The following GRIN3A variants were observed in gnomAD, a reference collection of about 807,000 sequenced individuals.
GRIN3A encodes glutamate receptor ionotropic, NMDA 3A.
GRIN3A carries 47 observed loss-of-function variants against 92.4 expected under a neutral mutation model. That is an observed-to-expected ratio of 0.51 (90% confidence interval 0.40 to 0.65). GRIN3A has a LOEUF of 0.65. Ranked by LOEUF, GRIN3A falls within the 30% of genes least tolerant of loss-of-function variation. The probability of loss-of-function intolerance (pLI) is 0.00; values close to 1 mark genes in which losing one functional copy is unlikely to be tolerated. For missense variants in GRIN3A, 1,324 were observed against 1,393.1 expected (o/e 0.95, Z 0.79); for synonymous variants, 527 against 540.6 (o/e 0.97, Z 0.35).
At chr9:101,710,060 G>A (rs1007068999) in intron 1 of GRIN3A, among the ~76,000 whole-genome samples, 7 of 152,104 alleles carry the variant, frequency 4.6e-5, no homozygotes, top group African/African-American at 1.7e-4. Flanking sequence ...AACTCCGGGT[G>A]AATCTCAGTG....
intron 1 of GRIN3A, among the ~76,000 whole-genome samples, chr9:101,713,024 G>A (rs1829899208): frequency 6.6e-6 from 1 of 152,130 alleles, no homozygotes; most frequent in South Asian, 2.1e-4. Context: ...GCAGAGATGG[G>A]ATTCAAACCC....
Position 101,738,090 on chromosome 9 carries a change from C to G in GRIN3A, c.-111G>C, listed in dbSNP as rs1414397468. ...GTCCCGCGCGCAGCTTCACTCCACTCGGTGAAGCGGTCCCAGGAGCTGGAG... is the reference window on the plus strand; with the variant it reads ...GTCCCGCGCGCAGCTTCACTCCACTGGGTGAAGCGGTCCCAGGAGCTGGAG... On this transcript the variant is annotated 5_prime_UTR_variant, in exon 1 of 9. Coordinates refer to ENST00000361820, the MANE Select transcript of GRIN3A (RefSeq NM_133445.3). The G allele has an allele frequency of 1.1e-6, 1 of 902,460 alleles. No homozygotes were observed. The highest frequency in any genetic ancestry group is 1.6e-5 in the African/African-American group (1 of 61,194). 55.9% of individuals were successfully genotyped at this position (902,460 alleles called of 1,614,324 possible). A position where few individuals can be genotyped will look rare whatever the true frequency, so the allele number is the denominator to read the frequency against.
chr9:101,706,226 A>G (rs1472536212), intron 1 of GRIN3A, among the ~76,000 whole-genome samples: 2 of 152,244 alleles, frequency 1.3e-5, no homozygotes, highest in African/African-American at 2.4e-5. Context: ...AAATACAGAT[A>G]GAGGTGCCTC....
intron 3 of GRIN3A, among the ~76,000 whole-genome samples, chr9:101,630,761 T>G (rs532680939): frequency 3.9e-5 from 6 of 152,334 alleles, no homozygotes; most frequent in Non-Finnish European, 8.8e-5. Context: ...GCTTGGATAG[T>G]TAAAGTAACA....
intron 6 of GRIN3A, among the ~76,000 whole-genome samples, chr9:101,580,493 C>T (rs148574090): frequency 2.1e-3 from 325 of 152,166 alleles, no homozygotes; most frequent in Admixed American, 3.8e-3. Flanking sequence ...AAGAACGTCC[C>T]TCAGGGAAGA....
Position 101,686,523 on chromosome 9 carries a change from C to T in GRIN3A, c.1304+73G>A, listed in dbSNP as rs147217164. ...ACTCAGAGTCAAGATTTCTGCAAAG[C>T]GGACAGATAGGGGAATTTTACTCTC... On this transcript the variant is annotated intron_variant, in intron 2 of 8. Coordinates refer to ENST00000361820, the MANE Select transcript of GRIN3A (RefSeq NM_133445.3). 628 of 1,533,918 alleles carry T rather than the reference C, an allele frequency of 4.1e-4. 3 individuals carry two copies. The African/African-American group carries it at 7.0e-3, about 17-fold the overall frequency.
intron 6 of GRIN3A, among the ~76,000 whole-genome samples, chr9:101,606,862 G>T (rs1369372962): frequency 1.4e-5 from 2 of 148,070 alleles, no homozygotes; most frequent in African/African-American, 5.0e-5. Flanking sequence ...CAAAACTCTT[G>T]CTCTGGAGCT....
intron 1 of GRIN3A, among the ~76,000 whole-genome samples, chr9:101,701,663 C>A (rs899194486): frequency 6.6e-6 from 1 of 152,038 alleles, no homozygotes; most frequent in East Asian, 1.9e-4. Flanking sequence ...ATGAAGATGC[C>A]GAAAGCAGTT....
At chr9:101,611,496 A>C (rs1828367429) in intron 6 of GRIN3A, among the ~76,000 whole-genome samples, 1 of 152,144 alleles carries the variant, frequency 6.6e-6, no homozygotes, top group African/African-American at 2.4e-5. Flanking sequence ...GTAGACATTA[A>C]TTTTGGGGGT....
At chr9:101,621,177 C>G (rs112888130) in intron 5 of GRIN3A, among the ~76,000 whole-genome samples, 1 of 150,998 alleles carries the variant, frequency 6.6e-6, no homozygotes, top group East Asian at 2.0e-4. Context: ...CCCAGCTACC[C>G]GGGAGGCTGA....
intron 3 of GRIN3A, among the ~76,000 whole-genome samples, chr9:101,647,740 A>G (rs1164630474): frequency 6.6e-6 from 1 of 151,682 alleles, no homozygotes; most frequent in Admixed American, 6.6e-5. Context: ...CATACCTCCA[A>G]GAATTTCTTC....
In GRIN3A at chr9:101,735,894, CTG is replaced by C. The variant is rs1463039516; in HGVS notation, c.699+1385_699+1386del. 2.0e-5 allele frequency among the ~76,000 whole-genome samples: 3 copies of C among 152,172 alleles called. No homozygotes were observed. The South Asian group carries it at 6.2e-4, about 32-fold the overall frequency. The stretch of plus-strand genomic sequence containing the variant: ...AGCCTGCACTCTACAGATCAAATCT[CTG>C]TAGTTCGGCTAGGAATCTTCTGGGC... On this transcript the variant is annotated intron_variant, in intron 1 of 8. Coordinates refer to ENST00000361820, the MANE Select transcript of GRIN3A (RefSeq NM_133445.3).
Position 101,670,501 on chromosome 9 carries a change from T to C in GRIN3A, c.1911A>G (p.Ala637=), listed in dbSNP as rs372528943. ...MAVTSFSINT[A]RSQVIDFTSP... ...TGGTGAAATCTATCACCTGGCTCCGTGCAGTATTGATGCTAAAGGAAGTGA... is the reference window on the plus strand; with the variant it reads ...TGGTGAAATCTATCACCTGGCTCCGCGCAGTATTGATGCTAAAGGAAGTGA... Residue 637 remains alanine (A), a synonymous_variant, in exon 3 of 9, where the codon GCA becomes GCG. Transcript: ENST00000361820. The C allele has an allele frequency of 1.2e-6, 2 of 1,613,888 alleles. No homozygotes were observed. The highest frequency in any genetic ancestry group is 1.7e-6 in the Non-Finnish European group (2 of 1,179,956).
chr9:101,574,629 C>T (rs1238916528), intron 8 of GRIN3A, among the ~76,000 whole-genome samples: 1 of 152,170 alleles, frequency 6.6e-6, no homozygotes, highest in African/African-American at 2.4e-5. Flanking sequence ...CTTCTTTTCT[C>T]CTTTCATTTA....
rs139220128 is a variant in GRIN3A, at chr9:101,719,091, C to T, written c.699+18190G>A. On this transcript the variant is annotated intron_variant, in intron 1 of 8. Transcript: ENST00000361820. ...TAGGGGTTTAAGCAGGTTAGTACAC[C>T]GATTCTCTTTCTGACAGAAGCTGGG... is the stretch of plus-strand genomic sequence containing the variant. Among the ~76,000 whole-genome samples, 7 of 152,156 alleles carry T rather than the reference C, an allele frequency of 4.6e-5. No homozygotes were observed. The East Asian group carries it at 7.7e-4, about 17-fold the overall frequency.
intron 6 of GRIN3A, among the ~76,000 whole-genome samples, chr9:101,589,181 C>T (rs1326430130): frequency 6.6e-6 from 1 of 152,144 alleles, no homozygotes; most frequent in African/African-American, 2.4e-5. Flanking sequence ...GCATGTTGAC[C>T]AGGCTGGTCT....
intron 5 of GRIN3A, among the ~76,000 whole-genome samples, chr9:101,622,646 T>A (rs1440763096): frequency 6.6e-6 from 1 of 152,092 alleles, no homozygotes; most frequent in Non-Finnish European, 1.5e-5. Context: ...TAGAATGAGT[T>A]TTTTTTTCTA....
At chr9:101,633,190 G>C (rs1321477113) in intron 3 of GRIN3A, among the ~76,000 whole-genome samples, 2 of 152,116 alleles carry the variant, frequency 1.3e-5, no homozygotes, top group Non-Finnish European at 2.9e-5. Flanking sequence ...AATAATCCCA[G>C]TGCTGAGTAT....
At chr9:101,610,296 C>T (rs1440592097) in intron 6 of GRIN3A, among the ~76,000 whole-genome samples, 1 of 152,192 alleles carries the variant, frequency 6.6e-6, no homozygotes, top group Non-Finnish European at 1.5e-5. Flanking sequence ...ATGCTAGCTC[C>T]CTAAGTCCCC....
Sources: gnomAD v4.1 joint callset for allele counts (sites outside exome capture counted in the v4.1 genomes callset) on GRCh38, gnomAD v4.1.1 for gene constraint, MANE v1.5 for transcripts, NCBI Gene and HGNC (gene_info 2026-07-23, HGNC 2026-07-21) for gene names.